The following SMC5 variants were observed in gnomAD, a reference collection of about 807,000 sequenced individuals.
The protein encoded by SMC5 is structural maintenance of chromosomes protein 5.
In SMC5, 88 loss-of-function variants were observed where a neutral mutation model predicts 148.3. The observed-to-expected ratio is 0.59, with a 90% CI of 0.50 to 0.71. The LOEUF is 0.71. SMC5 is among the 30% of genes least tolerant of loss of function. The probability of loss-of-function intolerance (pLI) is 0.00; values close to 1 mark genes in which losing one functional copy is unlikely to be tolerated. For missense variants in SMC5, 1,142 were observed against 1,298.9 expected, an observed-to-expected ratio of 0.88 and a Z score of 1.86; for synonymous variants, 421 against 432.8, an observed-to-expected ratio of 0.97 and a Z score of 0.34.
At chr9:70,319,037 C>A in intron 15 of SMC5, 74 bp downstream of exon 15, 4 of 1,305,072 alleles carry the variant, frequency 3.1e-6, no homozygotes, top group Non-Finnish European at 3.1e-6. Context: ...ACTGTAATAA[C>A]AACAGCATTT....
At chr9:70,323,688 GGTT>G in intron 16 of SMC5, 82 bp downstream of exon 16, 2 of 1,297,030 alleles carry the variant, frequency 1.5e-6, no homozygotes, top group Non-Finnish European at 2.1e-6. Flanking sequence ...AGGGAGGGAA[GGTT>G]TTGATTAAGG....
At chr9:70,274,089 A>G (rs1440447421) in intron 3 of SMC5, among the ~76,000 whole-genome samples, 1 of 152,190 alleles carries the variant, frequency 6.6e-6, no homozygotes, top group African/African-American at 2.4e-5. Context: ...AGTTGCATCT[A>G]AGATTAAAAT....
At chr9:70,278,097 C>T (rs529912406) in intron 4 of SMC5, among the ~76,000 whole-genome samples, 16 of 151,968 alleles carry the variant, frequency 1.1e-4, no homozygotes, top group Non-Finnish European at 2.4e-4. Context: ...TAACACTTAC[C>T]AGCTGATGTC....
intron 13 of SMC5, among the ~76,000 whole-genome samples, chr9:70,315,840 GAA>G (rs1431410911): frequency 2.0e-5 from 3 of 152,044 alleles, no homozygotes; most frequent in Non-Finnish European, 4.4e-5. Context: ...GTTAAAACCT[GAA>G]AAGAGATACC....
chr9:70,319,566 G>A (rs868488734), intron 15 of SMC5, among the ~76,000 whole-genome samples: 2 of 152,098 alleles, frequency 1.3e-5, no homozygotes, highest in Non-Finnish European at 2.9e-5. Flanking sequence ...TGGAAAAGGA[G>A]GAGTATTTTA....
At chr9:70,281,204 CT>C (rs1259441469) in intron 6 of SMC5, among the ~76,000 whole-genome samples, 2 of 150,950 alleles carry the variant, frequency 1.3e-5, no homozygotes, top group Admixed American at 6.6e-5. Context: ...ACCTGGCCAA[CT>C]TTTTTTTTGT....
chr9:70,339,025 C>A (rs1587711466), intron 17 of SMC5, among the ~76,000 whole-genome samples: 1 of 152,088 alleles, frequency 6.6e-6, no homozygotes, highest in South Asian at 2.1e-4. Flanking sequence ...TAATGCTTTT[C>A]ATTGATAAAT....
chr9:70,279,017 A>AC, intron 5 of SMC5, among the ~76,000 whole-genome samples: 1 of 152,316 alleles, frequency 6.6e-6, no homozygotes, highest in Admixed American at 6.5e-5. Context: ...CTTCCGTTGA[A>AC]CCAATTCTCT....
chr9:70,271,005 G>A (rs118117767), intron 3 of SMC5, among the ~76,000 whole-genome samples: 1,539 of 152,170 alleles, frequency 0.01, 30 homozygotes, highest in South Asian at 0.07. Flanking sequence ...GACCAGAAGT[G>A]TTTTGGATTT....
intron 20 of SMC5, among the ~76,000 whole-genome samples, chr9:70,347,411 G>T (rs1450293635): frequency 6.6e-6 from 1 of 152,066 alleles, no homozygotes; most frequent in Non-Finnish European, 1.5e-5. Context: ...AGAATAGTTG[G>T]GCTAACCTGA....
intron 11 of SMC5, among the ~76,000 whole-genome samples, chr9:70,306,811 A>G (rs916952603): frequency 6.6e-6 from 1 of 152,130 alleles, no homozygotes; most frequent in African/African-American, 2.4e-5. Context: ...TAGAACCAGA[A>G]CTTTCTCCTA....
At chr9:70,310,002 A>G (rs2035617028) in intron 11 of SMC5, among the ~76,000 whole-genome samples, 1 of 152,118 alleles carries the variant, frequency 6.6e-6, no homozygotes, top group African/African-American at 2.4e-5. Context: ...ATGCGCCACC[A>G]TGCCCAGCTG....
At chr9:70,331,325 A>G (rs1204112369) in intron 17 of SMC5, among the ~76,000 whole-genome samples, 1 of 152,224 alleles carries the variant, frequency 6.6e-6, no homozygotes, top group Non-Finnish European at 1.5e-5. Context: ...AAAGTTTAAA[A>G]GGACTTAAGA....
chr9:70,304,594 C>T (rs2035448981), intron 10 of SMC5, among the ~76,000 whole-genome samples: 1 of 152,066 alleles, frequency 6.6e-6, no homozygotes, highest in Non-Finnish European at 1.5e-5. Context: ...GGCTGAGGCG[C>T]AGGAATTGCT....
At chr9:70,268,564 G>A (rs1430463651) in intron 3 of SMC5, among the ~76,000 whole-genome samples, 1 of 150,242 alleles carries the variant, frequency 6.7e-6, no homozygotes, top group Non-Finnish European at 1.5e-5. Flanking sequence ...AAGTAGTCAT[G>A]ATGAAGTTGC....
intron 15 of SMC5, among the ~76,000 whole-genome samples, chr9:70,320,620 A>C (rs554799735): frequency 3.3e-5 from 5 of 152,212 alleles, no homozygotes; most frequent in Non-Finnish European, 7.3e-5. Flanking sequence ...CAAATACTAC[A>C]TCATTTTATA....
intron 17 of SMC5, among the ~76,000 whole-genome samples, chr9:70,337,220 C>G (rs2036382490): frequency 6.6e-6 from 1 of 152,150 alleles, no homozygotes; most frequent in South Asian, 2.1e-4. Context: ...ACTTTTACAT[C>G]AGTATTAATG....
At chr9:70,348,215 G>C (rs919956930) in intron 22 of SMC5, among the ~76,000 whole-genome samples, 177 bp downstream of exon 22, 14 of 151,920 alleles carry the variant, frequency 9.2e-5, no homozygotes, top group African/African-American at 3.4e-4. Context: ...ACTTTTTTTG[G>C]GGGGGGTTAT....
rs3837278 is a variant in SMC5 at position 70,264,106 on chromosome 9, TTTAG to T, written c.186-194_186-191del. Among the ~76,000 whole-genome samples the T allele has an allele frequency of 1.3e-3, 193 of 152,336 alleles. 3 individuals carry two copies. The East Asian group carries it at 0.033, about 26-fold the overall frequency. ...GAAAAAAGTATATGAAATTATATTC[TTTAG>T]TTATGCATTACTGCCTTTTCATTTC... On this transcript the variant is annotated intron_variant, in intron 1 of 24. Coordinates refer to ENST00000361138, the MANE Select transcript of SMC5 (RefSeq NM_015110.4).
Sources: allele counts gnomAD v4.1 joint callset (sites outside exome capture counted in the v4.1 genomes callset), GRCh38; gene constraint gnomAD v4.1.1; transcripts MANE v1.5; gene names NCBI Gene and HGNC (gene_info 2026-07-23, HGNC 2026-07-21).